FGGY: variants seen among roughly 807,000 people sequenced by gnomAD.
FGGY encodes the protein FGGY carbohydrate kinase domain-containing protein.
A neutral mutation model predicts 71.3 loss-of-function variants in FGGY; 72 were observed. The ratio of observed to expected loss-of-function variants is 1.01; its 90% CI spans 0.84 to 1.23. The LOEUF (loss-of-function observed/expected upper bound fraction) is 1.23, where lower values mean the gene tolerates loss of function less well. FGGY is among the 50% of genes most tolerant of loss of function. The pLI, the probability that FGGY is intolerant of heterozygous loss-of-function variation, is 0.00. For missense variants in FGGY, 668 were observed against 682.3 expected (o/e 0.98, Z 0.23); for synonymous variants, 251 against 250.3 (o/e 1.00, Z -0.02).
chr1:59,598,317 T>G (rs2096543598), intron 8 of FGGY, among the ~76,000 whole-genome samples: 1 of 152,208 alleles, frequency 6.6e-6, no homozygotes, highest in African/African-American at 2.4e-5. Flanking sequence ...AGAGTTTTTT[T>G]GGCTATTCTC....
At chr1:59,581,045 T>C (rs2096185014) in intron 8 of FGGY, among the ~76,000 whole-genome samples, 1 of 150,984 alleles carries the variant, frequency 6.6e-6, no homozygotes, top group Non-Finnish European at 1.5e-5. Context: ...TGACACTGGC[T>C]GTTGAGCACA....
At chr1:59,647,143 A>G (rs975083617) in intron 11 of FGGY, among the ~76,000 whole-genome samples, 2 of 152,196 alleles carry the variant, frequency 1.3e-5, no homozygotes, top group African/African-American at 4.8e-5. Context: ...TAAACAATGC[A>G]AAGGAACTAA....
chr1:59,492,911 CAATT>C (rs2093912999), intron 6 of FGGY, among the ~76,000 whole-genome samples: 1 of 152,142 alleles, frequency 6.6e-6, no homozygotes, highest in African/African-American at 2.4e-5. Context: ...TTGTCACAAT[CAATT>C]AAGGCTTCAG....
At chr1:59,381,628 CGTGTGTGTGTGTGTGTGTGTGT>C (rs113981398) in intron 5 of FGGY, among the ~76,000 whole-genome samples, 2 of 143,206 alleles carry the variant, frequency 1.4e-5, no homozygotes, top group Non-Finnish European at 3.1e-5. Flanking sequence ...ATGTATAACT[CGTGTGTGTGTGTGTGTGTGTGT>C]GTGTGTGTGT....
intron 1 of FGGY, among the ~76,000 whole-genome samples, chr1:59,321,301 C>G (rs111837909): frequency 2.0e-5 from 3 of 152,340 alleles, no homozygotes; most frequent in African/African-American, 7.2e-5. Context: ...AATCCTGACT[C>G]TCTCTCAAGA....
chr1:59,606,055 C>A (rs1318812226), intron 8 of FGGY, among the ~76,000 whole-genome samples: 3 of 152,112 alleles, frequency 2.0e-5, no homozygotes, highest in Non-Finnish European at 4.4e-5. Context: ...GATGAATGAA[C>A]ACATGGTCTA....
At chr1:59,388,305 A>G (rs1463418526) in intron 5 of FGGY, among the ~76,000 whole-genome samples, 1 of 152,106 alleles carries the variant, frequency 6.6e-6, no homozygotes, top group African/African-American at 2.4e-5. Context: ...GCTCATTATT[A>G]TCACCTTTTC....
intron 14 of FGGY, among the ~76,000 whole-genome samples, chr1:59,706,464 T>C (rs1573490989): frequency 6.6e-6 from 1 of 152,238 alleles, no homozygotes; most frequent in East Asian, 1.9e-4. Context: ...GAGCTACTAA[T>C]AAATCATATA....
At chr1:59,526,889 A>C (rs1026206537) in intron 7 of FGGY, among the ~76,000 whole-genome samples, 1 of 152,218 alleles carries the variant, frequency 6.6e-6, no homozygotes, top group African/African-American at 2.4e-5. Context: ...TCCCTTCTGC[A>C]AATGGGGATG....
At chr1:59,635,699 AG>A (rs1391134396) in intron 10 of FGGY, among the ~76,000 whole-genome samples, 1 of 152,234 alleles carries the variant, frequency 6.6e-6, no homozygotes, top group Non-Finnish European at 1.5e-5. Flanking sequence ...GACCAGGAGC[AG>A]AGAGAGCAAA....
chr1:59,399,818 A>G (rs1303743022), intron 5 of FGGY, among the ~76,000 whole-genome samples: 5 of 152,248 alleles, frequency 3.3e-5, no homozygotes, highest in Admixed American at 6.5e-5. Flanking sequence ...GACACAGTAT[A>G]TATACACTCA....
intron 14 of FGGY, among the ~76,000 whole-genome samples, chr1:59,729,766 A>G (rs1378135762): frequency 6.6e-6 from 1 of 152,156 alleles, no homozygotes; most frequent in South Asian, 2.1e-4. Context: ...TAGTGGGACT[A>G]TGTCCCTGAG....
chr1:59,675,214 A>G (rs935707394), intron 14 of FGGY, among the ~76,000 whole-genome samples: 3 of 152,158 alleles, frequency 2.0e-5, no homozygotes, highest in Admixed American at 6.6e-5. Context: ...TGACTTGCCC[A>G]TGGTCTCAAG....
intron 5 of FGGY, among the ~76,000 whole-genome samples, chr1:59,433,335 T>C (rs1247724776): frequency 6.6e-6 from 1 of 152,228 alleles, no homozygotes; most frequent in African/African-American, 2.4e-5. Context: ...TTAAATTAAA[T>C]GAAGGCCAAG....
intron 5 of FGGY, among the ~76,000 whole-genome samples, chr1:59,382,722 CTAGTTGTCATGTG>C (rs1326556074): frequency 2.0e-5 from 3 of 152,144 alleles, no homozygotes; most frequent in Non-Finnish European, 2.9e-5. Flanking sequence ...TCAAGCAGTG[CTAGTTGTCATGTG>C]TATGGGCAAT....
intron 2 of FGGY, among the ~76,000 whole-genome samples, chr1:59,335,925 C>T (rs542448259): frequency 6.2e-4 from 95 of 152,098 alleles, no homozygotes; most frequent in African/African-American, 2.3e-3. Context: ...GTGTTGTTTG[C>T]AAATATTTTC....
chr1:59,590,538 A>G (rs905085199), intron 8 of FGGY, among the ~76,000 whole-genome samples: 6 of 152,200 alleles, frequency 3.9e-5, no homozygotes, highest in Non-Finnish European at 8.8e-5. Flanking sequence ...AAAAATCCTC[A>G]ATAAAATACT....
At chr1:59,342,246 T>TA (rs1445574902) in intron 3 of FGGY, among the ~76,000 whole-genome samples, 1 of 152,170 alleles carries the variant, frequency 6.6e-6, no homozygotes, top group South Asian at 2.1e-4. Context: ...GTCAACTTTT[T>TA]AAAAAAGTTT....
chr1:59,333,930 T>C (rs971405463), intron 2 of FGGY, among the ~76,000 whole-genome samples: 5 of 152,202 alleles, frequency 3.3e-5, no homozygotes, highest in Admixed American at 1.3e-4. Flanking sequence ...GCAAGTGTTC[T>C]CTAGATCACA....
Sources: allele counts gnomAD v4.1 joint callset (sites outside exome capture counted in the v4.1 genomes callset), GRCh38; gene constraint gnomAD v4.1.1; transcripts MANE v1.5; gene names NCBI Gene and HGNC (gene_info 2026-07-23, HGNC 2026-07-21).